Variants in SLC36A1 observed in about 807,000 individuals in gnomAD.
The protein encoded by SLC36A1 is solute carrier family 36 member 1, also known as proton-coupled amino acid transporter 1.
Under a neutral mutation model 47.5 loss-of-function variants are expected in SLC36A1, and 30 were observed. The ratio of observed to expected loss-of-function variants is 0.63; its 90% CI spans 0.47 to 0.86. The LOEUF is 0.86. SLC36A1 is among the 40% of genes least tolerant of loss of function. The pLI is 0.00. For synonymous variants in SLC36A1, 255 were observed against 249.7 expected (o/e 1.02, Z -0.20); for missense variants, 517 against 606.0 (o/e 0.85, Z 1.54).
chr5:151,521,464 A>G, the SLC36A1 span: 1 of 1,614,190 alleles, frequency 6.2e-7, no homozygotes, highest in Non-Finnish European at 8.5e-7. Context: ...TGAATGCTCC[A>G]TCTCCTTGGC....
chr5:151,527,106 C>T, the SLC36A1 span: 4 of 947,368 alleles, frequency 4.2e-6, no homozygotes, highest in Non-Finnish European at 6.4e-6. Context: ...GTCTGTGTTG[C>T]CTTTGGGGAC....
the SLC36A1 span, chr5:151,380,401 G>A: frequency 9.8e-5 from 38 of 389,608 alleles, no homozygotes; most frequent in East Asian, 6.0e-4. Flanking sequence ...AAACAAGAGC[G>A]TGTGGAAACC....
At position 151,491,931 on chromosome 5, in the gene SLC36A1, G is replaced by C. The variant is rs1461207080; in HGVS notation, c.*3677G>C. ...AGTCCGGCTGGTTGCAGGGCTATTT[G>C]CCCCGACAGCATCAGCCTGTAACAT... On this transcript the variant is annotated 3_prime_UTR_variant, in exon 11 of 11. Transcript: ENST00000243389. The C allele has an allele frequency of 6.6e-6, 1 of 152,202 alleles. No individual in the cohort carries two copies. Among genetic ancestry groups the C allele is most frequent in the Non-Finnish European group, 1.5e-5 (1 of 68,032 alleles). 9.4% of individuals were successfully genotyped at this position (152,202 alleles called of 1,614,324 possible).
At chr5:151,461,055 A>G (rs1021030926) in intron 2 of SLC36A1, among the ~76,000 whole-genome samples, 1 of 151,350 alleles carries the variant, frequency 6.6e-6, no homozygotes. Flanking sequence ...TGGCACAATC[A>G]TGGCTCACTG....
At chr5:151,515,348 C>G in the SLC36A1 span, among the ~76,000 whole-genome samples, 2 of 152,232 alleles carry the variant, frequency 1.3e-5, no homozygotes, top group Non-Finnish European at 2.9e-5. Context: ...CCTACTCTCT[C>G]TTCAATCTAC....
At chr5:151,549,487 G>A in the SLC36A1 span, 2 of 1,614,172 alleles carry the variant, frequency 1.2e-6, no homozygotes, top group South Asian at 1.1e-5. Context: ...CTCTTGATAG[G>A]TATTTCCTGG....
chr5:151,455,341 A>ATT (rs5872207), intron 1 of SLC36A1, among the ~76,000 whole-genome samples: 1 of 150,756 alleles, frequency 6.6e-6, no homozygotes, highest in Non-Finnish European at 1.5e-5. Context: ...CCCAAGCAGA[A>ATT]TTTTTTTTTT....
the SLC36A1 span, among the ~76,000 whole-genome samples, chr5:151,417,043 C>T: frequency 6.6e-6 from 1 of 152,294 alleles, no homozygotes; most frequent in African/African-American, 2.4e-5. Context: ...TGAGGCCTCC[C>T]CAACCATGCT....
the SLC36A1 span, among the ~76,000 whole-genome samples, chr5:151,499,529 T>G: frequency 6.6e-6 from 1 of 152,162 alleles, no homozygotes; most frequent in Non-Finnish European, 1.5e-5. Context: ...TCATACATAA[T>G]CTTCAGTCCA....
chr5:151,513,143 A>G, the SLC36A1 span, among the ~76,000 whole-genome samples: 13 of 152,244 alleles, frequency 8.5e-5, no homozygotes, highest in Admixed American at 1.3e-4. Flanking sequence ...TGTTGTCACA[A>G]CTGATGAATG....
chr5:151,548,855 GAAACCCATAAAATAGAT>G, the SLC36A1 span, among the ~76,000 whole-genome samples: 47 of 152,228 alleles, frequency 3.1e-4, no homozygotes, highest in African/African-American at 1.1e-3. Flanking sequence ...TTGAGATGAA[GAAACCCATAAAATAGAT>G]AAACCCATAA....
chr5:151,549,960 G>A, the SLC36A1 span, among the ~76,000 whole-genome samples: 1 of 152,164 alleles, frequency 6.6e-6, no homozygotes, highest in Admixed American at 6.5e-5. Context: ...TAGCACATAA[G>A]AACCCTGATC....
the SLC36A1 span, among the ~76,000 whole-genome samples, chr5:151,514,315 C>T: frequency 1.3e-5 from 2 of 152,260 alleles, no homozygotes; most frequent in East Asian, 3.9e-4. Flanking sequence ...ATCTGTTGAT[C>T]CCACCGTCTT....
At chr5:151,545,400 A>G in the SLC36A1 span, 4 of 1,614,204 alleles carry the variant, frequency 2.5e-6, no homozygotes, top group East Asian at 6.7e-5. Context: ...CAGCATTGCC[A>G]GTTTTGATGC....
At chr5:151,522,067 G>A in the SLC36A1 span, 7 of 1,595,746 alleles carry the variant, frequency 4.4e-6, no homozygotes, top group African/African-American at 8.0e-5. Flanking sequence ...CGAGAGGGGA[G>A]GGATGCCACT....
At chr5:151,380,790 TG>T in the SLC36A1 span, 1 of 520,268 alleles carries the variant, frequency 1.9e-6, no homozygotes, top group South Asian at 1.5e-5. Flanking sequence ...GCAAGGCCTC[TG>T]GGAAGACAGG....
rs375805253 is a variant in SLC36A1, at chr5:151,465,148, G to A, written c.398G>A (p.Arg133Gln). 3.5e-5 allele frequency: 56 copies of A among 1,614,008 alleles called. No individual in the cohort carries two copies. The highest frequency in any genetic ancestry group is 3.3e-4 in the South Asian group (30 of 91,072). Residue 133 changes from arginine to glutamine, a missense_variant, in exon 5 of 11, where the codon CGG (arginine) becomes CAG (glutamine). Arg to Gln is a conservative substitution (Grantham distance 43). Coordinates refer to ENST00000243389, the MANE Select transcript of SLC36A1 (RefSeq NM_078483.4). ...GAATCCAGCCCCTGCTCCTGGCTCCGGAACCACGCACACTGGGGAAGGTAA... is the reference window on the plus strand; with the variant it reads ...GAATCCAGCCCCTGCTCCTGGCTCCAGAACCACGCACACTGGGGAAGGTAA... ...GLESSPCSWL[R>Q]NHAHWGRRVV...
chr5:151,397,047 A>G, the SLC36A1 span, among the ~76,000 whole-genome samples: 2 of 152,246 alleles, frequency 1.3e-5, no homozygotes, highest in African/African-American at 4.8e-5. Context: ...CTCTGGACAG[A>G]GCAGCATCAG....
intron 1 of SLC36A1, among the ~76,000 whole-genome samples, chr5:151,456,925 T>C (rs886401304): frequency 1.3e-5 from 2 of 151,952 alleles, no homozygotes; most frequent in African/African-American, 4.8e-5. Flanking sequence ...CAGGGTGGGG[T>C]GCTGTGGCAG....
Sources: gnomAD v4.1 joint callset for allele counts (sites outside exome capture counted in the v4.1 genomes callset) on GRCh38, gnomAD v4.1.1 for gene constraint, MANE v1.5 for transcripts, NCBI Gene and HGNC (gene_info 2026-07-23, HGNC 2026-07-21) for gene names.